Variants in SEMA3A observed in about 807,000 individuals in gnomAD.
SEMA3A encodes the protein semaphorin-3A.
SEMA3A carries 29 observed loss-of-function variants against 97.9 expected under a neutral mutation model. The ratio of observed to expected loss-of-function variants is 0.30; its 90% confidence interval spans 0.22 to 0.40. The LOEUF is 0.40. Ranked by LOEUF, SEMA3A falls within the 10% of genes least tolerant of loss-of-function variation. SEMA3A has a pLI of 1.00. For synonymous variants in SEMA3A, 321 were observed against 323.7 expected (o/e 0.99, Z 0.09); for missense variants, 763 against 951.3 (o/e 0.80, Z 2.60).
chr7:83,992,746 G>C (rs1030828869), intron 12 of SEMA3A, among the ~76,000 whole-genome samples: 1 of 151,984 alleles, frequency 6.6e-6, no homozygotes, highest in South Asian at 2.1e-4. Flanking sequence ...CAAGTATGTG[G>C]TCAATTTTGG....
chr7:84,334,949 CAAT>C (rs1476541890), intron 2 of SEMA3A, among the ~76,000 whole-genome samples: 1 of 151,844 alleles, frequency 6.6e-6, no homozygotes, highest in Non-Finnish European at 1.5e-5. Flanking sequence ...CTCAAAAAAA[CAAT>C]AATGATTTTA....
At chr7:84,331,969 T>A (rs577480123) in intron 2 of SEMA3A, among the ~76,000 whole-genome samples, 1 of 152,168 alleles carries the variant, frequency 6.6e-6, no homozygotes, top group Non-Finnish European at 1.5e-5. Flanking sequence ...ATAATTTGCA[T>A]GAATGAGCAC....
intron 5 of SEMA3A, among the ~76,000 whole-genome samples, chr7:84,048,644 GA>G (rs1792459699): frequency 6.6e-6 from 1 of 151,858 alleles, no homozygotes; most frequent in East Asian, 1.9e-4. Context: ...ATTACTGGTT[GA>G]ACCTCTTTGC....
At chr7:84,027,095 A>G (rs947176751) in intron 6 of SEMA3A, among the ~76,000 whole-genome samples, 1 of 152,214 alleles carries the variant, frequency 6.6e-6, no homozygotes, top group Non-Finnish European at 1.5e-5. Flanking sequence ...TCAATATTTT[A>G]CAATATTTAC....
chr7:84,214,156 T>C (rs1798692421), intron 3 of SEMA3A, among the ~76,000 whole-genome samples: 1 of 152,148 alleles, frequency 6.6e-6, no homozygotes, highest in Non-Finnish European at 1.5e-5. Flanking sequence ...GTACAATAAG[T>C]TTAATCTCAC....
At chr7:84,451,692 C>T (rs1805559762) in intron 1 of SEMA3A, among the ~76,000 whole-genome samples, 1 of 152,126 alleles carries the variant, frequency 6.6e-6, no homozygotes, top group African/African-American at 2.4e-5. Context: ...GCAAATTTAT[C>T]ACAGAAAATA....
At chr7:84,180,879 C>T (rs1429821211) in intron 1 of SEMA3A, among the ~76,000 whole-genome samples, 1 of 152,040 alleles carries the variant, frequency 6.6e-6, no homozygotes, top group African/African-American at 2.4e-5. Context: ...GATGTGGAGG[C>T]TATTTCCTTT....
At position 84,069,268 on chromosome 7, in the gene SEMA3A, C is replaced by T. The variant is rs1455601031; in HGVS notation, c.454-8710G>A. On this transcript the variant is annotated intron_variant, in intron 4 of 16. Coordinates refer to ENST00000265362, the MANE Select transcript of SEMA3A (RefSeq NM_006080.3). ...CCTTTTATTGGCTCTGTGCCTCAGG[C>T]AAGTTCCTACACCCTTCTGAAATTC... is the stretch of plus-strand genomic sequence containing the variant. Among the ~76,000 whole-genome samples, 3 of 152,094 alleles carry T rather than the reference C, an allele frequency of 2.0e-5. No individual in the cohort carries two copies. The East Asian group carries it at 5.8e-4, about 29-fold the overall frequency.
intron 1 of SEMA3A, among the ~76,000 whole-genome samples, chr7:84,440,397 G>A (rs1326723231): frequency 6.6e-6 from 1 of 152,108 alleles, no homozygotes; most frequent in Non-Finnish European, 1.5e-5. Context: ...AGGTAAAATG[G>A]GTCTTGCTTT....
intron 3 of SEMA3A, among the ~76,000 whole-genome samples, chr7:84,204,067 C>T (rs368605129): frequency 9.2e-5 from 14 of 151,940 alleles, no homozygotes; most frequent in African/African-American, 1.9e-4. Flanking sequence ...TTACTATAGC[C>T]GGCGGACTAT....
chr7:84,134,345 G>T (rs1430781624), intron 2 of SEMA3A, among the ~76,000 whole-genome samples: 1 of 152,156 alleles, frequency 6.6e-6, no homozygotes, highest in Non-Finnish European at 1.5e-5. Context: ...GGGAGTGCTT[G>T]TGTTTCAATA....
At chr7:84,236,732 C>G (rs1032497351) in intron 3 of SEMA3A, among the ~76,000 whole-genome samples, 1 of 152,076 alleles carries the variant, frequency 6.6e-6, no homozygotes, top group Non-Finnish European at 1.5e-5. Context: ...CTCTCTTGAT[C>G]GTTTTGCCTC....
intron 1 of SEMA3A, among the ~76,000 whole-genome samples, chr7:84,171,498 A>C (rs949369753): frequency 9.9e-5 from 15 of 152,162 alleles, no homozygotes; most frequent in African/African-American, 3.6e-4. Flanking sequence ...AGAGTGTTCT[A>C]CCTTCAAATA....
At chr7:84,454,609 T>C (rs568360997) in intron 1 of SEMA3A, among the ~76,000 whole-genome samples, 24 of 152,216 alleles carry the variant, frequency 1.6e-4, no homozygotes, top group African/African-American at 5.3e-4. Context: ...CAAATAATTT[T>C]CAGTGAAATA....
intron 3 of SEMA3A, among the ~76,000 whole-genome samples, chr7:84,266,638 A>T (rs1170713981): frequency 2.0e-5 from 3 of 152,188 alleles, no homozygotes; most frequent in Non-Finnish European, 4.4e-5. Flanking sequence ...ATAATTGAAA[A>T]GAAACGTAAG....
intron 3 of SEMA3A, among the ~76,000 whole-genome samples, chr7:84,125,885 T>C (rs546371409): frequency 3.3e-5 from 5 of 152,276 alleles, no homozygotes; most frequent in African/African-American, 1.2e-4. Flanking sequence ...AGTCGTGAAA[T>C]CAAATAAAGC....
At chr7:84,098,250 G>C (rs1794838250) in intron 4 of SEMA3A, among the ~76,000 whole-genome samples, 1 of 151,940 alleles carries the variant, frequency 6.6e-6, no homozygotes, top group Non-Finnish European at 1.5e-5. Context: ...TTGAATGAGA[G>C]TTGGAAAACA....
intron 3 of SEMA3A, among the ~76,000 whole-genome samples, chr7:84,114,078 C>T (rs924149798): frequency 3.3e-5 from 5 of 152,210 alleles, no homozygotes; most frequent in South Asian, 2.1e-4. Context: ...GACTGTGTTA[C>T]GCAGACTTTT....
At chr7:84,350,384 C>G (rs1802407718) in intron 2 of SEMA3A, among the ~76,000 whole-genome samples, 1 of 151,904 alleles carries the variant, frequency 6.6e-6, no homozygotes, top group Admixed American at 6.6e-5. Flanking sequence ...AGAAAATTTT[C>G]ACTGAAAACA....
Sources: allele counts gnomAD v4.1 joint callset (sites outside exome capture counted in the v4.1 genomes callset), GRCh38; gene constraint gnomAD v4.1.1; transcripts MANE v1.5; gene names NCBI Gene and HGNC (gene_info 2026-07-23, HGNC 2026-07-21).